The following TPO variants were observed in gnomAD, a reference collection of about 807,000 sequenced individuals.
TPO encodes the protein thyroid microsomal antigen.
In TPO, 78 loss-of-function variants were observed where a neutral mutation model predicts 96.9. The observed-to-expected ratio is 0.81, with a 90% confidence interval of 0.67 to 0.97. TPO has a LOEUF of 0.97. TPO is among the 50% of genes least tolerant of loss of function. TPO has a pLI of 0.00. For missense variants in TPO, 1,252 were observed against 1,274.8 expected (o/e 0.98, Z 0.27); for synonymous variants, 547 against 538.0 (o/e 1.02, Z -0.23).
intron 2 of TPO, among the ~76,000 whole-genome samples, chr2:1,416,477 G>A (rs550277835): frequency 6.6e-6 from 1 of 152,262 alleles, no homozygotes; most frequent in South Asian, 2.1e-4. Flanking sequence ...CATTTAAAAA[G>A]CCATCAGGAA....
At chr2:1,440,149 AATGTGCTGCGTTTCCACCGTGCTGCG>A (rs1666014880) in intron 5 of TPO, among the ~76,000 whole-genome samples, 1 of 151,216 alleles carries the variant, frequency 6.6e-6, no homozygotes, top group Non-Finnish European at 1.5e-5. Flanking sequence ...CTGCGTTTCC[AATGTGCTGCGTTTCCACCGTGCTGCG>A]TTTCCACCGT....
intron 13 of TPO, among the ~76,000 whole-genome samples, chr2:1,499,132 G>A (rs1208173163): frequency 3.9e-5 from 6 of 152,098 alleles, no homozygotes; most frequent in Non-Finnish European, 8.8e-5. Context: ...TAAAAGATGG[G>A]TGAGACCTTA....
At chr2:1,396,910 G>A (rs1255697037) in intron 1 of TPO, among the ~76,000 whole-genome samples, 1 of 152,204 alleles carries the variant, frequency 6.6e-6, no homozygotes, top group Non-Finnish European at 1.5e-5. Flanking sequence ...TTATGTAGGA[G>A]TAAGTCATAG....
chr2:1,476,958 C>G, intron 7 of TPO, 128 bp from the exon 8 acceptor site: 1 of 1,226,938 alleles, frequency 8.2e-7, no homozygotes, highest in Non-Finnish European at 1.1e-6. Context: ...CTGGACTGAC[C>G]CCTACAGAGG....
At position 1,515,731 on chromosome 2, in the gene TPO, G is replaced by A. The variant is rs1039036188; in HGVS notation, c.2519-1152G>A. Among the ~76,000 whole-genome samples the A allele has an allele frequency of 1.4e-4, 22 of 151,944 alleles. No homozygotes were observed. In the East Asian group the frequency reaches 1.7e-3, roughly 12 times the overall value. ...CAGGGAACCGCAGTCACCCACAGAC[G>A]CATTCATCACCGACTTTAAAAAATC... On this transcript the variant is annotated intron_variant, in intron 14 of 16. Coordinates refer to ENST00000329066, the MANE Select transcript of TPO (RefSeq NM_001206744.2).
intron 1 of TPO, among the ~76,000 whole-genome samples, chr2:1,396,175 A>G (rs1021635762): frequency 8.5e-5 from 13 of 152,150 alleles, no homozygotes; most frequent in African/African-American, 2.9e-4. Context: ...GCTGGGGAGG[A>G]GGCAGAGGGG....
At chr2:1,491,912 C>A (rs1033263254) in intron 10 of TPO, among the ~76,000 whole-genome samples, 5 of 152,152 alleles carry the variant, frequency 3.3e-5, no homozygotes, top group Non-Finnish European at 5.9e-5. Flanking sequence ...GATCACAGGG[C>A]GGCAGAGCCC....
At chr2:1,422,292 A>AT (rs1359219229) in intron 2 of TPO, among the ~76,000 whole-genome samples, 1 of 28,178 alleles carries the variant, frequency 3.5e-5, no homozygotes, top group African/African-American at 2.4e-4. Flanking sequence ...AGCCTTGAAG[A>AT]CCCCGCAGGC....
chr2:1,535,033 T>TC (rs1232211715), intron 15 of TPO, among the ~76,000 whole-genome samples: 2 of 97,660 alleles, frequency 2.0e-5, no homozygotes, highest in Non-Finnish European at 3.9e-5. Context: ...CCTCCCCAAA[T>TC]CCCCCCCACT....
At chr2:1,453,524 C>T (rs1306128223) in intron 5 of TPO, among the ~76,000 whole-genome samples, 170 bp from the exon 6 acceptor site, 4 of 152,194 alleles carry the variant, frequency 2.6e-5, no homozygotes, top group Admixed American at 6.5e-5. Flanking sequence ...TGAAGCCAGT[C>T]ATGACCTGGG....
Position 1,482,242 on chromosome 2 carries a change from G to C in TPO, c.1339-2354G>C, listed in dbSNP as rs140260216. On this transcript the variant is annotated intron_variant, in intron 8 of 16. Coordinates refer to ENST00000329066, the MANE Select transcript of TPO (RefSeq NM_001206744.2). The stretch of plus-strand genomic sequence containing the variant: ...CTTCGTCCTGGTCTCCCCGTGTGCT[G>C]GGGTCCTGGCTTCCCGTCACCTTCA... Among the ~76,000 whole-genome samples, 1,283 of 152,306 alleles carry C rather than the reference G, an allele frequency of 8.4e-3. 22 individuals are homozygous for C. Among genetic ancestry groups the C allele is most frequent in the African/African-American group, 0.029 (1,210 of 41,554 alleles).
intron 7 of TPO, among the ~76,000 whole-genome samples, chr2:1,465,061 T>C (rs1259028386): frequency 2.0e-5 from 3 of 152,206 alleles, no homozygotes; most frequent in Non-Finnish European, 4.4e-5. Flanking sequence ...TGATCCATCT[T>C]GAGTTGTTTT....
chr2:1,378,891 AGTT>A (rs72027089), intron 1 of TPO, among the ~76,000 whole-genome samples: 8,726 of 152,230 alleles, frequency 0.057, 650 homozygotes, highest in East Asian at 0.3. Flanking sequence ...ACTAGGCGGA[AGTT>A]GTTCTGCTCC....
At chr2:1,408,004 A>G (rs1300712200) in intron 1 of TPO, among the ~76,000 whole-genome samples, 1 of 152,238 alleles carries the variant, frequency 6.6e-6, no homozygotes, top group Non-Finnish European at 1.5e-5. Context: ...TAATTTGGAA[A>G]CTACTAGAAG....
At chr2:1,531,282 CCCTAATGTCAGCA>C (rs1275468037) in intron 15 of TPO, among the ~76,000 whole-genome samples, 6 of 127,670 alleles carry the variant, frequency 4.7e-5, no homozygotes, top group Admixed American at 7.8e-5. Flanking sequence ...CTCAAATCCC[CCCTAATGTCAGCA>C]ACTTCCCTAA....
chr2:1,497,064 G>C (rs12475212), intron 13 of TPO, among the ~76,000 whole-genome samples: 1 of 152,170 alleles, frequency 6.6e-6, no homozygotes. Context: ...TGAACTCGCA[G>C]GGGCGCTTTC....
intron 15 of TPO, among the ~76,000 whole-genome samples, chr2:1,532,971 A>T (rs1211561754): frequency 1.8e-5 from 1 of 56,072 alleles, no homozygotes; most frequent in Non-Finnish European, 3.4e-5. Context: ...CACTGTGTCC[A>T]GCCTCCCCAA....
At chr2:1,419,342 T>C (rs1006393842) in intron 2 of TPO, among the ~76,000 whole-genome samples, 6 of 152,172 alleles carry the variant, frequency 3.9e-5, no homozygotes, top group African/African-American at 1.4e-4. Context: ...TGCTGGGAAC[T>C]GAGGAAGGAA....
At chr2:1,374,518 TTAA>T (rs1661687473) in intron 1 of TPO, 1 of 152,224 alleles carries the variant, frequency 6.6e-6, no homozygotes, top group African/African-American at 2.4e-5. Context: ...TGTTACAAAC[TTAA>T]TAAGTCATAG....
Sources: allele counts gnomAD v4.1 joint callset (sites outside exome capture counted in the v4.1 genomes callset), GRCh38; gene constraint gnomAD v4.1.1; transcripts MANE v1.5; gene names NCBI Gene and HGNC (gene_info 2026-07-23, HGNC 2026-07-21).